ZNF8: variants seen among roughly 807,000 people sequenced by gnomAD.
ZNF8 encodes zinc finger protein 8, also known as zinc finger protein 272.
Under a neutral mutation model 12.2 loss-of-function variants are expected in ZNF8, and 9 were observed. The ratio of observed to expected loss-of-function variants is 0.73; its 90% CI spans 0.44 to 1.28. The LOEUF is 1.28. Among genes scored for constraint, ZNF8 ranks in the 50% most tolerant of loss-of-function variants. ZNF8 has a pLI of 0.00. For synonymous variants in ZNF8, 274 were observed against 282.3 expected (o/e 0.97, Z 0.30); for missense variants, 664 against 729.1 (o/e 0.91, Z 1.03).
At chr19:58,284,630 C>G (rs1261013685) in intron 1 of ZNF8, among the ~76,000 whole-genome samples, 1 of 152,222 alleles carries the variant, frequency 6.6e-6, no homozygotes, top group Non-Finnish European at 1.5e-5. Context: ...GGGTGGATCA[C>G]TTGAGGCTAG....
intron 3 of ZNF8, among the ~76,000 whole-genome samples, chr19:58,289,599 G>C (rs2051404840): frequency 6.6e-6 from 1 of 151,952 alleles, no homozygotes; most frequent in Non-Finnish European, 1.5e-5. Context: ...GGCGCCCAGA[G>C]AGAATGCATT....
chr19:58,298,745 C>T lies in ZNF8; in HGVS notation c.*3209C>T, dbSNP rs2051472363. 6.6e-6 allele frequency: 1 copy of T among 152,142 alleles called. No homozygotes were observed. The highest frequency in any genetic ancestry group is 1.5e-5 in the Non-Finnish European group (1 of 68,032). The allele number at this position is 152,142 out of a possible 1,614,324, so 9.4% of individuals were successfully genotyped here. A position where few individuals can be genotyped will look rare whatever the true frequency, so the allele number is the denominator to read the frequency against. On this transcript the variant is annotated 3_prime_UTR_variant, in exon 4 of 4. Transcript: ENST00000621650. The stretch of plus-strand genomic sequence containing the variant: ...ATCAAATACCTAGTGTTCAGATGTT[C>T]TGGGTTGCCTCATAAATTTTGTTTT...
intron 3 of ZNF8, among the ~76,000 whole-genome samples, chr19:58,290,556 G>T (rs1313475530): frequency 6.6e-6 from 1 of 151,936 alleles, no homozygotes; most frequent in Non-Finnish European, 1.5e-5. Flanking sequence ...TTATTTTTAA[G>T]GAAAAGAAGC....
intron 1 of ZNF8, among the ~76,000 whole-genome samples, chr19:58,284,695 AAAAAT>A (rs1164352075): frequency 6.6e-6 from 1 of 152,062 alleles, no homozygotes; most frequent in Non-Finnish European, 1.5e-5. Flanking sequence ...CTAAAAATAC[AAAAAT>A]TAGCCGGGCG....
At position 58,298,558 on chromosome 19, in the gene ZNF8, C is replaced by G. The variant is rs2051471309; in HGVS notation, c.*3022C>G. The G allele has an allele frequency of 6.6e-6, 1 of 152,010 alleles. No homozygotes were observed. 9.4% of individuals were successfully genotyped at this position (152,010 alleles called of 1,614,324 possible). A position where few individuals can be genotyped will look rare whatever the true frequency, so the allele number is the denominator to read the frequency against. ...CAGGCTGGTCTCAAACTCATGACCT[C>G]AAGTAATCTGCCCGCCTCAGTCTCC... On this transcript the variant is annotated 3_prime_UTR_variant, in exon 4 of 4. Coordinates refer to ENST00000621650, the MANE Select transcript of ZNF8 (RefSeq NM_021089.3).
In ZNF8 at chr19:58,294,883, C is replaced by T; in HGVS notation, c.1075C>T (p.His359Tyr). The T allele has an allele frequency of 6.2e-7, 1 of 1,614,140 alleles. No individual in the cohort carries two copies. Among genetic ancestry groups the T allele is most frequent in the Non-Finnish European group, 8.5e-7 (1 of 1,180,018 alleles). The change falls in exon 4 of 4, where the codon CAC (histidine) becomes TAC (tyrosine). Residue 359 changes from histidine to tyrosine, a missense_variant. Transcript: ENST00000621650. This position sits in a 1 kb window ranked among gnomAD's most constrained non-coding sequence, Gnocchi z 5.5. ...AFNQNSSLGR[H>Y]KRTHTGEKPY... ...CAACCAGAACTCCTCCCTGGGGCGG[C>T]ACAAGAGGACACACACTGGGGAGAA...
chr19:58,294,231 G>T lies in ZNF8; in HGVS notation c.423G>T (p.Arg141Ser), dbSNP rs764332581. 6.2e-7 allele frequency: 1 copy of T among 1,613,998 alleles called. No homozygotes were observed. The highest frequency in any genetic ancestry group is 8.5e-7 in the Non-Finnish European group (1 of 1,180,020). Reference protein sequence around the residue: ...APYPTTLGKDRECQSQSLALK... With the variant: ...APYPTTLGKDSECQSQSLALK... The stretch of plus-strand genomic sequence containing the variant: ...ATCCCACCACGTTAGGGAAAGACAG[G>T]GAGTGTCAGAGCCAGAGTCTGGCAC... Residue 141 changes from arginine to serine, a missense_variant, in exon 4 of 4, where the codon AGG (arginine) becomes AGT (serine). By Grantham distance (110) the Arg-to-Ser change is moderately radical (BLOSUM62 -1). Around this residue, in one of 3 missense-constraint regions of ZNF8, gnomAD observed 306 missense variants for 308.7 expected, o/e 0.99. Coordinates refer to ENST00000621650, the MANE Select transcript of ZNF8 (RefSeq NM_021089.3). The surrounding 1 kb of genome is among the most constrained non-coding windows in gnomAD (Gnocchi z 5.5).
chr19:58,294,017 A>T lies in ZNF8; in HGVS notation c.290-81A>T, dbSNP rs1342612761. ...CAGCTGGTTAGGACCCCATTTCAAT[A>T]TCAGGCCTATGGTGTTGGAGGCCTG... is the stretch of plus-strand genomic sequence containing the variant. On this transcript the variant is annotated intron_variant, in intron 3 of 3. Transcript: ENST00000621650. The surrounding 1 kb of genome is among the most constrained non-coding windows in gnomAD (Gnocchi z 5.5). The T allele has an allele frequency of 7.6e-7, 1 of 1,313,062 alleles. No homozygotes were observed. The highest frequency in any genetic ancestry group is 1.5e-5 in the African/African-American group (1 of 67,876). 81.3% of individuals were successfully genotyped at this position (1,313,062 alleles called of 1,614,324 possible).
chr19:58,286,363 A>G (rs2051383641), intron 3 of ZNF8, 158 bp downstream of exon 3: 1 of 601,098 alleles, frequency 1.7e-6, no homozygotes, highest in Non-Finnish European at 2.9e-6. Flanking sequence ...AGCTCTCAGT[A>G]TAATGAGACC....
intron 3 of ZNF8, among the ~76,000 whole-genome samples, chr19:58,291,588 G>GTGC (rs1396098243): frequency 2.0e-5 from 3 of 152,206 alleles, no homozygotes; most frequent in Non-Finnish European, 2.9e-5. Flanking sequence ...GACCTGCCAT[G>GTGC]TGCTGCTGTT....
rs1025547573 is a variant in ZNF8 at position 58,295,686 on chromosome 19, G to C, written c.*150G>C. 7 of 698,358 alleles carry C rather than the reference G, an allele frequency of 1.0e-5. No individual in the cohort carries two copies. Among genetic ancestry groups the C allele is most frequent in the African/African-American group, 3.6e-5 (2 of 55,688 alleles). 43.3% of individuals were successfully genotyped at this position (698,358 alleles called of 1,614,324 possible). On this transcript the variant is annotated 3_prime_UTR_variant, in exon 4 of 4. Transcript: ENST00000621650. Reference sequence around the variant, plus strand: ...TGATGCTTCCCAAGCACCCGAGGTTGGTTGGTCCCAAATCTATCAAACTCA... The same window carrying C: ...TGATGCTTCCCAAGCACCCGAGGTTCGTTGGTCCCAAATCTATCAAACTCA...
Position 58,279,094 on chromosome 19 carries a change from G to T in ZNF8, c.13G>T (p.Asp5Tyr). ...TGGGCGATCCAGCATGGACCCCGAG[G>T]ACGAAGGGGTAGCGGGAGTGATGTC... MDPE[D>Y]EGVAGVMSVG... Residue 5 changes from aspartate to tyrosine, a missense_variant, in exon 1 of 4, where the codon GAC becomes TAC. Physicochemically the swap from Asp to Tyr is radical, Grantham distance 160 (BLOSUM62 -3). This residue lies in a region of ZNF8 where 306 missense variants were observed against 308.7 expected (regional missense o/e 0.99). Transcript: ENST00000621650. 1 of 1,532,820 alleles carries T rather than the reference G, an allele frequency of 6.5e-7. No individual in the cohort carries two copies. Among genetic ancestry groups the T allele is most frequent in the Non-Finnish European group, 8.8e-7 (1 of 1,134,776 alleles). The allele number at this position is 1,532,820 out of a possible 1,614,324, so 95.0% of individuals were successfully genotyped here.
chr19:58,281,829 G>A (rs1469991382), intron 1 of ZNF8, among the ~76,000 whole-genome samples: 2 of 152,086 alleles, frequency 1.3e-5, no homozygotes, highest in East Asian at 3.9e-4. Flanking sequence ...TGAAGTATTT[G>A]GGGCCTGGTG....
At chr19:58,292,732 G>A (rs921950627) in intron 3 of ZNF8, among the ~76,000 whole-genome samples, 1 of 152,142 alleles carries the variant, frequency 6.6e-6, no homozygotes, top group Non-Finnish European at 1.5e-5. Context: ...GCTTATCCAT[G>A]TTGTAGCGTA....
In ZNF8 at chr19:58,295,009, C is replaced by T. The variant is rs142024291; in HGVS notation, c.1201C>T (p.His401Tyr). The change falls in exon 4 of 4, where the codon CAC (histidine) becomes TAC (tyrosine). Residue 401 changes from histidine to tyrosine, a missense_variant. This residue lies in a region of ZNF8 where 133 missense variants were observed against 198.4 expected (regional missense o/e 0.67). Coordinates refer to ENST00000621650, the MANE Select transcript of ZNF8 (RefSeq NM_021089.3). Reference protein sequence around the residue: ...HTEERPYECNHCGKGFRHSSS... With the variant: ...HTEERPYECNYCGKGFRHSSS... ...CGAGGAGAGGCCCTACGAGTGTAAC[C>T]ACTGCGGGAAGGGCTTCAGGCACAG... is the stretch of plus-strand genomic sequence containing the variant. 3.7e-6 allele frequency: 6 copies of T among 1,613,970 alleles called. No homozygotes were observed. In the African/African-American group the frequency reaches 5.3e-5, roughly 14 times the overall value.
At position 58,295,193 on chromosome 19, in the gene ZNF8, G is replaced by T; in HGVS notation, c.1385G>T (p.Arg462Leu). ...PPLSQDERTH[R>L]SDRPFKCNQC... ...TTGAGTCAAGATGAGAGGACTCACC[G>T]AAGCGACAGACCCTTCAAATGTAAT... is the stretch of plus-strand genomic sequence containing the variant. Residue 462 changes from arginine (R) to leucine (L), a missense_variant, in exon 4 of 4, where the codon CGA becomes CTA. Coordinates refer to ENST00000621650, the MANE Select transcript of ZNF8 (RefSeq NM_021089.3). 1 of 1,614,140 alleles carries T rather than the reference G, an allele frequency of 6.2e-7. No homozygotes were observed. The highest frequency in any genetic ancestry group is 1.1e-5 in the South Asian group (1 of 91,088).
At chr19:58,279,388 G>C (rs2051329085) in intron 1 of ZNF8, 1 of 1,447,468 alleles carries the variant, frequency 6.9e-7, no homozygotes. Context: ...GTCCTCCCCA[G>C]GGCTGGGGTC....
At position 58,301,508 on chromosome 19, in the gene ZNF8, G is replaced by T; in HGVS notation, c.*5972G>T. The T allele has an allele frequency of 6.6e-6, 1 of 152,508 alleles. No individual in the cohort carries two copies. Among genetic ancestry groups the T allele is most frequent in the Non-Finnish European group, 1.5e-5 (1 of 68,190 alleles). 9.4% of individuals were successfully genotyped at this position (152,508 alleles called of 1,614,324 possible). On this transcript the variant is annotated 3_prime_UTR_variant, in exon 4 of 4. Coordinates refer to ENST00000621650, the MANE Select transcript of ZNF8 (RefSeq NM_021089.3). ...GCTCCACCAGCAGTTTGGGGCACAG[G>T]CTTGGGAATCCAGACAGGAAAGCTC...
At chr19:58,287,835 CTTTTTTTCTT>C (rs1208901377) in intron 3 of ZNF8, among the ~76,000 whole-genome samples, 1 of 139,692 alleles carries the variant, frequency 7.2e-6, no homozygotes, top group East Asian at 2.1e-4. Context: ...AATTATTTTA[CTTTTTTTCTT>C]TTTTTTTCTT....
Sources: allele counts gnomAD v4.1 joint callset (sites outside exome capture counted in the v4.1 genomes callset), GRCh38; gene constraint gnomAD v4.1.1; regional missense constraint gnomAD v4.1.1; non-coding constraint Gnocchi (gnomAD v3.1); transcripts MANE v1.5; gene names NCBI Gene and HGNC (gene_info 2026-07-23, HGNC 2026-07-21).